The following USP25 variants were observed in gnomAD, a reference collection of about 807,000 sequenced individuals.
USP25 encodes ubiquitin carboxyl-terminal hydrolase 25.
USP25 carries 85 observed loss-of-function variants against 158.5 expected under a neutral mutation model. The ratio of observed to expected loss-of-function variants is 0.54; its 90% confidence interval spans 0.45 to 0.64. USP25 has a LOEUF of 0.64. USP25 is among the 30% of genes least tolerant of loss of function. The pLI is 0.00. For missense variants in USP25, 1,242 were observed against 1,327.3 expected (o/e 0.94, Z 1.00); for synonymous variants, 464 against 460.4 (o/e 1.01, Z -0.10).
chr21:15,876,884 T>A (rs1463321137), intron 24 of USP25: 2 of 152,190 alleles, frequency 1.3e-5, no homozygotes, highest in Non-Finnish European at 2.9e-5. Context: ...AGCTTAAAAG[T>A]CATGTTTATC....
chr21:15,813,453 A>G (rs1231966335), intron 9 of USP25, among the ~76,000 whole-genome samples: 1 of 152,128 alleles, frequency 6.6e-6, no homozygotes, highest in Non-Finnish European at 1.5e-5. Flanking sequence ...TCCATAACCT[A>G]GATCTATCAC....
intron 19 of USP25, among the ~76,000 whole-genome samples, chr21:15,848,671 T>A (rs2038742966): frequency 6.6e-6 from 1 of 152,150 alleles, no homozygotes; most frequent in Non-Finnish European, 1.5e-5. Context: ...AATGTTACTA[T>A]CATGCTAGAG....
At chr21:15,772,381 T>G (rs2034404908) in intron 3 of USP25, among the ~76,000 whole-genome samples, 1 of 152,198 alleles carries the variant, frequency 6.6e-6, no homozygotes, top group African/African-American at 2.4e-5. Flanking sequence ...TTAGATGCAT[T>G]TGTAACATGA....
At chr21:15,800,357 C>T (rs2036071681) in intron 6 of USP25, among the ~76,000 whole-genome samples, 1 of 151,106 alleles carries the variant, frequency 6.6e-6, no homozygotes, top group African/African-American at 2.4e-5. Flanking sequence ...GGACCTAGAG[C>T]TGGTTACTTG....
chr21:15,799,447 A>T (rs1045752068), intron 5 of USP25: 2 of 177,964 alleles, frequency 1.1e-5, no homozygotes, highest in African/African-American at 4.7e-5. Flanking sequence ...AAAGTTTTGG[A>T]CTTGACATTT....
At chr21:15,805,776 A>G (rs888259191) in intron 7 of USP25, 1 of 152,224 alleles carries the variant, frequency 6.6e-6, no homozygotes, top group Non-Finnish European at 1.5e-5. Flanking sequence ...ATTTTCACAT[A>G]TAATTGGAAA....
At chr21:15,835,611 G>A (rs944020711) in intron 17 of USP25, among the ~76,000 whole-genome samples, 1 of 152,136 alleles carries the variant, frequency 6.6e-6, no homozygotes, top group African/African-American at 2.4e-5. Flanking sequence ...ATCTTAGAAT[G>A]TTGATATATT....
rs541829468 is a variant in USP25, at chr21:15,859,259, C to T, written c.2548-5009C>T. The stretch of plus-strand genomic sequence containing the variant: ...CCAGGCTGGAGTGCAGTGGTGCCAT[C>T]TTGGCTCACTGCAGGCTCCGCCTCC... On this transcript the variant is annotated intron_variant, in intron 20 of 25. Coordinates refer to ENST00000400183, the MANE Select transcript of USP25 (RefSeq NM_001283041.3). Among the ~76,000 whole-genome samples the T allele has an allele frequency of 2.0e-5, 3 of 151,120 alleles. No individual in the cohort carries two copies. In the South Asian group the frequency reaches 6.3e-4, roughly 31 times the overall value.
chr21:15,816,025 G>A lies in USP25; in HGVS notation c.932-2673G>A, dbSNP rs1186425744. Among the ~76,000 whole-genome samples, 1 of 152,146 alleles carries A rather than the reference G, an allele frequency of 6.6e-6. No individual in the cohort carries two copies. The highest frequency in any genetic ancestry group is 1.5e-5 in the Non-Finnish European group (1 of 68,024). On this transcript the variant is annotated intron_variant, in intron 9 of 25. Coordinates refer to ENST00000400183, the MANE Select transcript of USP25 (RefSeq NM_001283041.3). The surrounding 1 kb of genome is among the most constrained non-coding windows in gnomAD (Gnocchi z 4.0). ...ATGAGATTTGGAGGGGCTAGGGCTG[G>A]AATGATGTGGTTCAGCTGTGTCCTG...
chr21:15,824,111 A>C lies in USP25; in HGVS notation c.1153A>C (p.Arg385=). 1 of 1,613,716 alleles carries C rather than the reference A, an allele frequency of 6.2e-7. No homozygotes were observed. The highest frequency in any genetic ancestry group is 8.5e-7 in the Non-Finnish European group (1 of 1,179,870). The change falls in exon 11 of 26, where the codon AGA becomes CGA. Residue 385 remains arginine, a synonymous_variant. Transcript: ENST00000400183. ...SRFEFNQALG[R]PEKIHNKLEF... is the part of the protein sequence containing the mutation. ...ATTTGAATTTAATCAGGCATTGGGA[A>C]GACCAGAAAAAATTCACAACAAATT...
intron 21 of USP25, 64 bp from the exon 22 acceptor site, chr21:15,866,202 A>ATAT: frequency 1.1e-6 from 1 of 895,000 alleles, no homozygotes; most frequent in Non-Finnish European, 1.5e-6. Context: ...TTGATTTACA[A>ATAT]ATATATATAT....
chr21:15,786,676 G>GA (rs1202791103), intron 4 of USP25, among the ~76,000 whole-genome samples: 3 of 152,004 alleles, frequency 2.0e-5, no homozygotes, highest in Non-Finnish European at 4.4e-5. Context: ...ACTGAATGCA[G>GA]AAAAAAATGA....
intron 1 of USP25, among the ~76,000 whole-genome samples, chr21:15,733,031 A>G (rs1320535803): frequency 6.8e-6 from 1 of 146,896 alleles, no homozygotes; most frequent in Non-Finnish European, 1.5e-5. Flanking sequence ...TTGGACATAT[A>G]TCTTCAGCCT....
intron 20 of USP25, among the ~76,000 whole-genome samples, chr21:15,861,161 T>C (rs2039412650): frequency 1.3e-5 from 2 of 152,108 alleles, no homozygotes; most frequent in Admixed American, 6.5e-5. Flanking sequence ...GGGTCATCTG[T>C]AGGTAGATGG....
At chr21:15,856,536 G>A (rs980936563) in intron 20 of USP25, among the ~76,000 whole-genome samples, 101 of 151,666 alleles carry the variant, frequency 6.7e-4, no homozygotes, top group African/African-American at 2.2e-3. Flanking sequence ...CAGTGGCGCA[G>A]TCTCGGCTCA....
chr21:15,765,038 A>C (rs1483766145), intron 2 of USP25, among the ~76,000 whole-genome samples: 1 of 152,116 alleles, frequency 6.6e-6, no homozygotes, highest in African/African-American at 2.4e-5. Flanking sequence ...TTCTTAATAC[A>C]TGGAGTAAAC....
In USP25 at chr21:15,816,681, A is replaced by G. The variant is rs561982762; in HGVS notation, c.932-2017A>G. The stretch of plus-strand genomic sequence containing the variant: ...CTGCTGTCAATAAGCCAGCAATTCT[A>G]TCTTTATTCCAGAATGTTAATCTTA... On this transcript the variant is annotated intron_variant, in intron 9 of 25. Transcript: ENST00000400183. The surrounding 1 kb of genome is among the most constrained non-coding windows in gnomAD (Gnocchi z 4.0). Among the ~76,000 whole-genome samples, 4 of 152,040 alleles carry G rather than the reference A, an allele frequency of 2.6e-5. No homozygotes were observed. Among genetic ancestry groups the G allele is most frequent in the Non-Finnish European group, 1.5e-5 (1 of 68,002 alleles).
chr21:15,770,066 A>G (rs369029730), intron 3 of USP25, among the ~76,000 whole-genome samples: 1 of 152,020 alleles, frequency 6.6e-6, no homozygotes, highest in Non-Finnish European at 1.5e-5. Flanking sequence ...AGTTATGGCT[A>G]TCTTGCTTGG....
intron 1 of USP25, among the ~76,000 whole-genome samples, chr21:15,735,537 A>C (rs1206627137): frequency 6.6e-6 from 1 of 152,200 alleles, no homozygotes; most frequent in African/African-American, 2.4e-5. Flanking sequence ...GGGGTCCTGG[A>C]ACCAGTTCTC....
Sources: gnomAD v4.1 joint callset for allele counts (sites outside exome capture counted in the v4.1 genomes callset) on GRCh38, gnomAD v4.1.1 for gene constraint, Gnocchi (gnomAD v3.1) non-coding constraint, MANE v1.5 for transcripts, NCBI Gene and HGNC (gene_info 2026-07-23, HGNC 2026-07-21) for gene names.